Variants in PRDM11 observed in about 807,000 individuals in gnomAD.
PRDM11 encodes the protein PR/SET domain 11, also known as PR domain-containing protein 11.
Under a neutral mutation model 97.8 loss-of-function variants are expected in PRDM11, and 20 were observed. That is an observed-to-expected ratio of 0.20 (90% CI 0.14 to 0.30). The LOEUF (loss-of-function observed/expected upper bound fraction) is 0.30, where lower values mean the gene tolerates loss of function less well. PRDM11 is among the 10% of genes least tolerant of loss of function. The pLI is 1.00. For missense variants in PRDM11, 1,139 were observed against 1,555.2 expected, an observed-to-expected ratio of 0.73 and a Z score of 4.50; for synonymous variants, 599 against 637.7, an observed-to-expected ratio of 0.94 and a Z score of 0.91.
At chr11:45,138,413 T>C (rs1175326993) in intron 1 of PRDM11, among the ~76,000 whole-genome samples, 1 of 151,958 alleles carries the variant, frequency 6.6e-6, no homozygotes, top group African/African-American at 2.4e-5. Context: ...AAAAAACTTT[T>C]AGAAATTAGA....
At chr11:45,158,162 T>G (rs182380454) in intron 1 of PRDM11, among the ~76,000 whole-genome samples, 38 of 152,336 alleles carry the variant, frequency 2.5e-4, no homozygotes, top group African/African-American at 9.1e-4. Flanking sequence ...GTCGCTGGTC[T>G]TCAACTCTGT....
chr11:45,098,831 G>A (rs905015110), intron 1 of PRDM11, among the ~76,000 whole-genome samples: 2 of 152,152 alleles, frequency 1.3e-5, no homozygotes, highest in African/African-American at 4.8e-5. Context: ...AGAGGATGTG[G>A]GAACAGGAAG....
intron 1 of PRDM11, among the ~76,000 whole-genome samples, chr11:45,150,514 C>T (rs537003800): frequency 9.8e-5 from 15 of 152,294 alleles, no homozygotes; most frequent in Non-Finnish European, 1.9e-4. Context: ...TGAGGGAACA[C>T]CACTTCCCTG....
At chr11:45,207,229 C>T (rs1249718137) in intron 5 of PRDM11, among the ~76,000 whole-genome samples, 1 of 152,212 alleles carries the variant, frequency 6.6e-6, no homozygotes, top group Non-Finnish European at 1.5e-5. Context: ...TGGTGTGGCT[C>T]TTTCTGACTT....
chr11:45,213,063 G>C (rs751762029), intron 5 of PRDM11: 5 of 449,520 alleles, frequency 1.1e-5, no homozygotes, highest in African/African-American at 1.0e-4. Context: ...TCTGCACTAG[G>C]AGGAAGAGTC....
chr11:45,182,200 C>G, intron 2 of PRDM11, 46 bp from the exon 3 acceptor site: 1 of 1,565,506 alleles, frequency 6.4e-7, no homozygotes, highest in Non-Finnish European at 8.8e-7. Context: ...GGCTCTCACT[C>G]TCTGATGACT....
rs556724937 is a variant in PRDM11 at position 45,199,313 on chromosome 11, C to T, written c.487-5398C>T. Among the ~76,000 whole-genome samples, 190 of 152,316 alleles carry T rather than the reference C, an allele frequency of 1.2e-3. 1 individual carries two copies. Among genetic ancestry groups the T allele is most frequent in the African/African-American group, 4.4e-3 (181 of 41,572 alleles). On this transcript the variant is annotated intron_variant, in intron 4 of 7. Coordinates refer to ENST00000683152, the MANE Select transcript of PRDM11 (RefSeq NM_001384648.1). ...CTCCCATTAACAGGAAGCTCACCAC[C>T]TCACAGGGTTCTTGTCCTATCTTAG...
chr11:45,215,190 G>A (rs1853921151), intron 5 of PRDM11, among the ~76,000 whole-genome samples: 1 of 152,172 alleles, frequency 6.6e-6, no homozygotes, highest in African/African-American at 2.4e-5. Flanking sequence ...GCACTGGCAA[G>A]GCTCTGCCCA....
chr11:45,154,257 G>A (rs1397278543), intron 1 of PRDM11, among the ~76,000 whole-genome samples: 1 of 152,216 alleles, frequency 6.6e-6, no homozygotes, highest in Non-Finnish European at 1.5e-5. Flanking sequence ...TTGGGAGGCT[G>A]AGGCGGGAAG....
chr11:45,134,701 GAAAAAAAAAAA>G (rs1191008824), intron 1 of PRDM11, among the ~76,000 whole-genome samples: 7 of 44,266 alleles, frequency 1.6e-4, no homozygotes, highest in East Asian at 9.1e-4. Flanking sequence ...CCTGTCTCAC[GAAAAAAAAAAA>G]AAAAAAAAAA....
rs915520767 is a variant in PRDM11, at chr11:45,219,025, C to T, written c.555-545C>T. On this transcript the variant is annotated intron_variant, in intron 5 of 7. Transcript: ENST00000683152. The surrounding 1 kb of genome is among the most constrained non-coding windows in gnomAD (Gnocchi z 4.2). ...GTAGTCTGTTATTTACCTTCCTCCCCTGTCCCCACTGGAGCCCCCATTTTT... is the reference window on the plus strand; with the variant it reads ...GTAGTCTGTTATTTACCTTCCTCCCTTGTCCCCACTGGAGCCCCCATTTTT... 5.9e-5 allele frequency among the ~76,000 whole-genome samples: 9 copies of T among 152,218 alleles called. No individual in the cohort carries two copies. The highest frequency in any genetic ancestry group is 1.2e-4 in the Non-Finnish European group (8 of 68,040).
At chr11:45,124,744 T>G (rs1852524700) in intron 1 of PRDM11, among the ~76,000 whole-genome samples, 2 of 152,226 alleles carry the variant, frequency 1.3e-5, no homozygotes, top group African/African-American at 2.4e-5. Context: ...AGTTTGCCAG[T>G]ATTTTATTGA....
intron 1 of PRDM11, among the ~76,000 whole-genome samples, chr11:45,098,516 C>T (rs905132426): frequency 3.3e-5 from 5 of 152,166 alleles, no homozygotes; most frequent in African/African-American, 1.2e-4. Context: ...GCTAGTTCCA[C>T]TTTACAGGTG....
intron 7 of PRDM11, chr11:45,225,057 T>A (rs914083563): frequency 1.3e-5 from 19 of 1,440,680 alleles, no homozygotes; most frequent in Non-Finnish European, 1.6e-5. Flanking sequence ...TGCCCTTGTA[T>A]CCTCCTTGTC....
chr11:45,169,070 C>A (rs542995627), intron 1 of PRDM11, among the ~76,000 whole-genome samples: 1 of 152,110 alleles, frequency 6.6e-6, no homozygotes, highest in African/African-American at 2.4e-5. Flanking sequence ...TGCCTCACCC[C>A]GAATCACTGA....
At chr11:45,161,800 C>T (rs993821507) in intron 1 of PRDM11, among the ~76,000 whole-genome samples, 1 of 152,260 alleles carries the variant, frequency 6.6e-6, no homozygotes, top group Admixed American at 6.5e-5. Flanking sequence ...CACACTGATG[C>T]TGCTGCCTAA....
intron 4 of PRDM11, among the ~76,000 whole-genome samples, chr11:45,184,906 G>A (rs1166097427): frequency 7.2e-5 from 11 of 152,114 alleles, no homozygotes. Context: ...AGGCCTGTGA[G>A]CAAGCTTTGA....
rs764388919 is a variant in PRDM11, at chr11:45,228,082, A to G, written c.3457A>G (p.Ser1153Gly). Residue 1153 changes from serine (S) to glycine (G), a missense_variant, in exon 8 of 8, where the codon AGT (serine) becomes GGT (glycine). By Grantham distance (56) the Ser-to-Gly change is moderately conservative. Around this residue, in one of 2 missense-constraint regions of PRDM11, gnomAD observed 710 missense variants for 1,044.9 expected, o/e 0.68. Coordinates refer to ENST00000683152, the MANE Select transcript of PRDM11 (RefSeq NM_001384648.1). The part of the protein sequence containing the change: ...NSYALSAEVL[S>G]RMSALEQKPA... ...TTACGCGCTGTCTGCAGAAGTCCTC[A>G]GTAGGATGTCTGCGCTGGAGCAGAA... The G allele has an allele frequency of 2.0e-4, 304 of 1,533,744 alleles. No individual in the cohort carries two copies. The highest frequency in any genetic ancestry group is 2.5e-4 in the Non-Finnish European group (284 of 1,146,736).
intron 4 of PRDM11, among the ~76,000 whole-genome samples, chr11:45,204,270 A>G (rs1853430237): frequency 1.3e-5 from 2 of 152,228 alleles, no homozygotes; most frequent in Admixed American, 6.5e-5. Context: ...CTCAAATCAC[A>G]TATATTCAGT....
Sources: allele counts gnomAD v4.1 joint callset (sites outside exome capture counted in the v4.1 genomes callset), GRCh38; gene constraint gnomAD v4.1.1; regional missense constraint gnomAD v4.1.1; non-coding constraint Gnocchi (gnomAD v3.1); transcripts MANE v1.5; gene names NCBI Gene and HGNC (gene_info 2026-07-23, HGNC 2026-07-21).